EPYC: variants seen among roughly 807,000 people sequenced by gnomAD.
The protein encoded by EPYC is dermatan sulfate proteoglycan 3.
In EPYC, 28 loss-of-function variants were observed where a neutral mutation model predicts 30.1. The ratio of observed to expected loss-of-function variants is 0.93; its 90% CI spans 0.69 to 1.28. The LOEUF (loss-of-function observed/expected upper bound fraction) is 1.28. Among genes scored for constraint, EPYC ranks in the 50% most tolerant of loss-of-function variants. EPYC has a pLI of 0.00. For missense variants in EPYC, 382 were observed against 383.5 expected, an observed-to-expected ratio of 1.00 and a Z score of 0.03; for synonymous variants, 144 against 141.4, an observed-to-expected ratio of 1.02 and a Z score of -0.13.
At chr12:90,993,304 C>G (rs1053666141) in intron 2 of EPYC, among the ~76,000 whole-genome samples, 16 of 152,120 alleles carry the variant, frequency 1.1e-4, no homozygotes, top group Non-Finnish European at 1.5e-5. Flanking sequence ...TGACTGATGG[C>G]ATAGTTTATT....
At chr12:90,978,438 TTG>T (rs1300871560) in intron 2 of EPYC, among the ~76,000 whole-genome samples, 176 bp from the exon 3 acceptor site, 1 of 152,072 alleles carries the variant, frequency 6.6e-6, no homozygotes. Context: ...CTAGTAACTG[TTG>T]TTTTTAATTA....
chr12:90,969,991 T>A lies in EPYC; in HGVS notation c.798+53A>T, dbSNP rs1876995583. On this transcript the variant is annotated intron_variant, in intron 6 of 6. Transcript: ENST00000261172. ...AAATTCTTGTGTCCTGATGTCCTTT[T>A]TGGCTTTGCTTTCTCTGAAGCCCTT... The A allele has an allele frequency of 4.6e-6, 6 of 1,302,366 alleles. No individual in the cohort carries two copies. In the East Asian group the frequency reaches 1.4e-4, roughly 30 times the overall value. The allele number at this position is 1,302,366 out of a possible 1,614,324, so 80.7% of individuals were successfully genotyped here.
At chr12:91,000,964 G>A (rs557703599) in intron 2 of EPYC, among the ~76,000 whole-genome samples, 2 of 152,074 alleles carry the variant, frequency 1.3e-5, no homozygotes, top group Non-Finnish European at 2.9e-5. Context: ...AGAAAATCCT[G>A]TTAACAGACA....
Position 90,964,103 on chromosome 12 carries a change from A to G in EPYC, c.*53T>C. On this transcript the variant is annotated 3_prime_UTR_variant, in exon 7 of 7. Transcript: ENST00000261172. ...GCTGAGTTTTGTTTTGGAAGAGAGC[A>G]GTAAGAATGGTTTATTTATAGTAGC... 1.4e-6 allele frequency: 2 copies of G among 1,476,868 alleles called. No individual in the cohort carries two copies. Among genetic ancestry groups the G allele is most frequent in the Non-Finnish European group, 1.9e-6 (2 of 1,073,538 alleles). 91.5% of individuals were successfully genotyped at this position (1,476,868 alleles called of 1,614,324 possible).
intron 2 of EPYC, among the ~76,000 whole-genome samples, chr12:90,998,422 C>T (rs1877746430): frequency 6.6e-6 from 1 of 152,022 alleles, no homozygotes; most frequent in African/African-American, 2.4e-5. Context: ...CATAGATATT[C>T]TAGATCATGA....
intron 2 of EPYC, among the ~76,000 whole-genome samples, chr12:90,994,780 C>T (rs180863476): frequency 5.9e-5 from 9 of 152,170 alleles, no homozygotes; most frequent in Admixed American, 1.3e-4. Flanking sequence ...TACTGTTCTT[C>T]CTTGTTTTGT....
intron 2 of EPYC, among the ~76,000 whole-genome samples, chr12:91,001,996 G>A (rs954921924): frequency 4.6e-5 from 7 of 151,738 alleles, no homozygotes; most frequent in African/African-American, 7.3e-5. Flanking sequence ...AGACCATCCT[G>A]GCCAACATGG....
At chr12:91,003,111 T>C (rs1010745103) in intron 1 of EPYC, among the ~76,000 whole-genome samples, 13 of 152,104 alleles carry the variant, frequency 8.5e-5, no homozygotes. Context: ...AAAAATAATT[T>C]TAAAAATAGG....
At chr12:90,966,240 T>A (rs963411305) in intron 6 of EPYC, among the ~76,000 whole-genome samples, 4 of 152,052 alleles carry the variant, frequency 2.6e-5, no homozygotes, top group African/African-American at 7.2e-5. Flanking sequence ...AAGTGTTCAG[T>A]CTTTCTCCAT....
At chr12:90,978,493 T>C (rs1483475463) in intron 2 of EPYC, among the ~76,000 whole-genome samples, 1 of 152,030 alleles carries the variant, frequency 6.6e-6, no homozygotes, top group Non-Finnish European at 1.5e-5. Flanking sequence ...AATGCCTTTT[T>C]TTTTTTGGTC....
chr12:90,997,016 C>A (rs190715534), intron 2 of EPYC, among the ~76,000 whole-genome samples: 5 of 152,070 alleles, frequency 3.3e-5, no homozygotes, highest in Admixed American at 3.3e-4. Flanking sequence ...GCAGGCAAGC[C>A]ATAATGACAA....
At chr12:90,972,094 A>G in intron 4 of EPYC, 92 bp from the exon 5 acceptor site, 2 of 733,660 alleles carry the variant, frequency 2.7e-6, no homozygotes, top group Non-Finnish European at 4.3e-6. Flanking sequence ...GCAAATATAA[A>G]TTTAGCAATG....
At chr12:90,969,922 A>C in intron 6 of EPYC, 122 bp downstream of exon 6, 1 of 707,676 alleles carries the variant, frequency 1.4e-6, no homozygotes, top group African/African-American at 1.8e-5. Context: ...GAAAAGAGAA[A>C]AAGAAGAAAA....
intron 2 of EPYC, among the ~76,000 whole-genome samples, chr12:90,994,709 C>T (rs1048328934): frequency 1.3e-5 from 2 of 152,100 alleles, no homozygotes; most frequent in Non-Finnish European, 2.9e-5. Flanking sequence ...TTGTACCAGT[C>T]AATTCCTATT....
chr12:90,993,897 T>A (rs964409224), intron 2 of EPYC, among the ~76,000 whole-genome samples: 1 of 152,136 alleles, frequency 6.6e-6, no homozygotes, highest in African/African-American at 2.4e-5. Flanking sequence ...AATGAGTAAA[T>A]ACTTTATATC....
At chr12:90,974,044 A>ACACACACT (rs1877121242) in intron 3 of EPYC, among the ~76,000 whole-genome samples, 1 of 145,998 alleles carries the variant, frequency 6.8e-6, no homozygotes, top group South Asian at 2.3e-4. Context: ...ACACTCACAC[A>ACACACACT]CACACACACA....
At position 91,004,941 on chromosome 12, in the gene EPYC, A is replaced by C. The variant is rs181651303; in HGVS notation, c.-14+6T>G. The C allele has an allele frequency of 1.3e-5, 2 of 152,058 alleles. No individual in the cohort carries two copies. Among genetic ancestry groups the C allele is most frequent in the African/African-American group, 4.8e-5 (2 of 41,436 alleles). The allele number at this position is 152,058 out of a possible 1,614,324, so 9.4% of individuals were successfully genotyped here. ...ACCCAAGAAGAAAGCAAGTATAAAAACTTACCTTTGGCTCTGACCTGATGA... is the reference window on the plus strand; with the variant it reads ...ACCCAAGAAGAAAGCAAGTATAAAACCTTACCTTTGGCTCTGACCTGATGA... On this transcript the variant is annotated splice_donor_region_variant and intron_variant, in intron 1 of 6. Transcript: ENST00000261172.
intron 2 of EPYC, among the ~76,000 whole-genome samples, chr12:90,980,358 T>C (rs1483162161): frequency 6.6e-6 from 1 of 152,198 alleles, no homozygotes; most frequent in Admixed American, 6.5e-5. Flanking sequence ...TTGTTCATGC[T>C]TCCTTGCAAA....
chr12:90,980,631 A>G (rs770540785), intron 2 of EPYC, among the ~76,000 whole-genome samples: 1 of 152,192 alleles, frequency 6.6e-6, no homozygotes, highest in Non-Finnish European at 1.5e-5. Flanking sequence ...TCTGTGTGGC[A>G]GACTTGTATG....
Sources: allele counts gnomAD v4.1 joint callset (sites outside exome capture counted in the v4.1 genomes callset), GRCh38; gene constraint gnomAD v4.1.1; transcripts MANE v1.5; gene names NCBI Gene and HGNC (gene_info 2026-07-23, HGNC 2026-07-21).